The following JAK1 variants were observed in gnomAD, a reference collection of about 807,000 sequenced individuals.
JAK1 encodes Janus kinase 1, also known as tyrosine-protein kinase JAK1.
A neutral mutation model predicts 136.6 loss-of-function variants in JAK1; 16 were observed. The observed-to-expected ratio is 0.12, with a 90% CI of 0.08 to 0.18. JAK1 has a LOEUF of 0.18. Ranked by LOEUF, JAK1 falls within the 10% of genes least tolerant of loss-of-function variation. JAK1 has a pLI of 1.00. For missense variants in JAK1, 859 were observed against 1,450.1 expected (o/e 0.59, Z 6.62); for synonymous variants, 492 against 519.5 (o/e 0.95, Z 0.72).
intron 20 of JAK1, among the ~76,000 whole-genome samples, 161 bp from the exon 21 acceptor site, chr1:64,838,750 G>A (rs1427452438): frequency 6.6e-6 from 1 of 152,196 alleles, no homozygotes; most frequent in Non-Finnish European, 1.5e-5. Context: ...ATCCTCAGCA[G>A]TGAATGGAGA....
chr1:64,970,860 A>G (rs574368900), upstream of JAK1, among the ~76,000 whole-genome samples: 14 of 152,326 alleles, frequency 9.2e-5, no homozygotes, highest in South Asian at 2.9e-3. Flanking sequence ...CTAACATGCA[A>G]TCCATGACAT....
chr1:65,066,265 C>T (rs755299265), intron 1 of JAK1, among the ~76,000 whole-genome samples: 86 of 152,150 alleles, frequency 5.7e-4, no homozygotes, highest in Non-Finnish European at 1.2e-3. Flanking sequence ...CAGGAGCCGG[C>T]GTCTCCGCCA....
chr1:64,955,752 C>T (rs1024292458), intron 1 of JAK1, among the ~76,000 whole-genome samples: 2 of 152,084 alleles, frequency 1.3e-5, no homozygotes, highest in African/African-American at 4.8e-5. Flanking sequence ...GATAGATCAC[C>T]CAGGTAAAGA....
rs374473830 is a variant in JAK1 at position 65,053,449 on chromosome 1, CAG to C, written c.-180-8869_-180-8868del. Among the ~76,000 whole-genome samples, 305 of 152,212 alleles carry C rather than the reference CAG, an allele frequency of 2.0e-3. 2 individuals are homozygous for C. The highest frequency in any genetic ancestry group is 7.1e-3 in the African/African-American group (293 of 41,516). On this transcript the variant is annotated intron_variant, in intron 1 of 25. Transcript: ENST00000671954. ...TAGAATGCACCTGTAAATATGAATGCAGAGTTTTAAAGAAGCAATTTTTAAAG... is the reference window on the plus strand; with the variant it reads ...TAGAATGCACCTGTAAATATGAATGCAGTTTTAAAGAAGCAATTTTTAAAG...
chr1:64,970,209 C>T (rs557498164), upstream of JAK1, among the ~76,000 whole-genome samples: 16 of 147,992 alleles, frequency 1.1e-4, no homozygotes, highest in South Asian at 3.0e-3. Flanking sequence ...GAGGCCAAGA[C>T]GGGGTGGATT....
chr1:65,041,363 G>C (rs773563543), intron 2 of JAK1, among the ~76,000 whole-genome samples: 1 of 152,230 alleles, frequency 6.6e-6, no homozygotes, highest in Admixed American at 6.5e-5. Context: ...CATACACAAA[G>C]ATGGAGTTTT....
At chr1:64,838,674 G>A (rs574516752) in intron 20 of JAK1, 85 bp from the exon 21 acceptor site, 1 of 1,412,392 alleles carries the variant, frequency 7.1e-7, no homozygotes, top group South Asian at 1.2e-5. Flanking sequence ...TGAGACAGAG[G>A]CCCTGAGGTG....
At chr1:64,976,635 T>C (rs965450802) in intron 2 of JAK1, among the ~76,000 whole-genome samples, 1 of 152,246 alleles carries the variant, frequency 6.6e-6, no homozygotes, top group African/African-American at 2.4e-5. Context: ...GTGACGCCAA[T>C]GTCTCTCTCA....
intron 6 of JAK1, among the ~76,000 whole-genome samples, chr1:64,868,958 G>C (rs188700303): frequency 1.0e-4 from 15 of 145,932 alleles, no homozygotes; most frequent in Non-Finnish European, 2.2e-4. Context: ...ACTGTACTGA[G>C]AAGGATTTTT....
At chr1:65,043,083 A>G (rs1223978677) in intron 2 of JAK1, among the ~76,000 whole-genome samples, 1 of 152,196 alleles carries the variant, frequency 6.6e-6, no homozygotes, top group Non-Finnish European at 1.5e-5. Flanking sequence ...AAAGTAGATC[A>G]TGGAATCTAA....
intron 2 of JAK1, among the ~76,000 whole-genome samples, chr1:64,995,508 GTTTT>G (rs1646696279): frequency 6.6e-6 from 1 of 152,090 alleles, no homozygotes; most frequent in Non-Finnish European, 1.5e-5. Flanking sequence ...GCCTGTGCAC[GTTTT>G]TTGTTTGTTT....
At chr1:64,922,500 A>T (rs1047422055) in intron 1 of JAK1, among the ~76,000 whole-genome samples, 39 of 136,634 alleles carry the variant, frequency 2.9e-4, no homozygotes, top group African/African-American at 9.5e-4. Flanking sequence ...ATTTTTTTTT[A>T]AAGCTGACTA....
chr1:65,037,337 G>T (rs1445584818), intron 2 of JAK1, among the ~76,000 whole-genome samples: 1 of 151,970 alleles, frequency 6.6e-6, no homozygotes, highest in Non-Finnish European at 1.5e-5. Context: ...GATGGGGGGG[G>T]TCTCATTATT....
intron 1 of JAK1, among the ~76,000 whole-genome samples, chr1:64,891,490 G>A (rs1170128579): frequency 6.6e-6 from 1 of 152,170 alleles, no homozygotes; most frequent in Non-Finnish European, 1.5e-5. Context: ...CTGTGTTCCT[G>A]CCCACTACTA....
intron 1 of JAK1, among the ~76,000 whole-genome samples, chr1:64,900,255 G>C (rs945194062): frequency 7.2e-5 from 11 of 152,186 alleles, no homozygotes; most frequent in Admixed American, 5.2e-4. Context: ...GAGATATTAA[G>C]TGCTATGACT....
intron 1 of JAK1, among the ~76,000 whole-genome samples, chr1:64,932,354 A>C (rs965649212): frequency 9.9e-5 from 15 of 152,196 alleles, no homozygotes; most frequent in African/African-American, 3.6e-4. Flanking sequence ...CGGATGTTGC[A>C]GTGAGCCGAG....
chr1:65,032,897 G>A (rs1469652042), intron 2 of JAK1, among the ~76,000 whole-genome samples: 3 of 152,094 alleles, frequency 2.0e-5, no homozygotes, highest in Admixed American at 6.5e-5. Flanking sequence ...TTCTTTCTTG[G>A]AAACAAAAAA....
At chr1:64,899,410 G>A (rs1645071679) in intron 1 of JAK1, among the ~76,000 whole-genome samples, 1 of 152,148 alleles carries the variant, frequency 6.6e-6, no homozygotes, top group Non-Finnish European at 1.5e-5. Flanking sequence ...AACTATGGGT[G>A]ACAACTCTAA....
chr1:65,055,233 T>C (rs556645467), intron 1 of JAK1, among the ~76,000 whole-genome samples: 125 of 152,312 alleles, frequency 8.2e-4, no homozygotes, highest in African/African-American at 2.9e-3. Context: ...AGGAGCCTCA[T>C]GTGAGTGGAA....
Sources: gnomAD v4.1 joint callset for allele counts (sites outside exome capture counted in the v4.1 genomes callset) on GRCh38, gnomAD v4.1.1 for gene constraint, MANE v1.5 for transcripts, NCBI Gene and HGNC (gene_info 2026-07-23, HGNC 2026-07-21) for gene names.